WWOX: variants seen among roughly 807,000 people sequenced by gnomAD.
WWOX encodes WW domain containing oxidoreductase.
WWOX carries 69 observed loss-of-function variants against 46.2 expected under a neutral mutation model. The ratio of observed to expected loss-of-function variants is 1.49; its 90% CI spans 1.23 to 1.82. The LOEUF (loss-of-function observed/expected upper bound fraction) is 1.82. WWOX is among the 40% of genes most tolerant of loss of function. The pLI, the probability that WWOX is intolerant of heterozygous loss-of-function variation, is 0.00. For missense variants in WWOX, 919 were observed against 542.6 expected, an observed-to-expected ratio of 1.69 and a Z score of -6.89; for synonymous variants, 359 against 202.6, an observed-to-expected ratio of 1.77 and a Z score of -6.56.
intron 8 of WWOX, among the ~76,000 whole-genome samples, chr16:78,632,545 C>G (rs924946863): frequency 1.6e-5 from 2 of 124,112 alleles, no homozygotes; most frequent in Non-Finnish European, 3.5e-5. Flanking sequence ...TCTTCCCCCA[C>G]TTACTTGGCC....
chr16:78,505,894 T>A (rs1205837654), intron 8 of WWOX, among the ~76,000 whole-genome samples: 1 of 152,184 alleles, frequency 6.6e-6, no homozygotes, highest in African/African-American at 2.4e-5. Context: ...TTTCTCTCCC[T>A]AATCATGAGC....
At chr16:78,837,028 A>G (rs1345280105) in intron 8 of WWOX, among the ~76,000 whole-genome samples, 2 of 152,130 alleles carry the variant, frequency 1.3e-5, no homozygotes, top group East Asian at 1.9e-4. Flanking sequence ...ATCCCACACA[A>G]TGGAAACCAG....
At chr16:78,461,317 G>C (rs539930930) in intron 8 of WWOX, among the ~76,000 whole-genome samples, 3 of 152,086 alleles carry the variant, frequency 2.0e-5, no homozygotes, top group Non-Finnish European at 2.9e-5. Context: ...TGCACTGTCC[G>C]TTTTCCAAAT....
intron 8 of WWOX, among the ~76,000 whole-genome samples, chr16:79,098,359 T>C (rs1597374028): frequency 1.3e-5 from 2 of 152,194 alleles, no homozygotes; most frequent in Non-Finnish European, 2.9e-5. Context: ...CAGTGGGTGG[T>C]ATTTTCTCCT....
In WWOX at chr16:78,130,840, T is replaced by C. The variant is rs940549857; in HGVS notation, c.409+15686T>C. ...GTGGAGGATACAAAACACACCAAAA[T>C]GCAGTCAGCTTCACTGAATGACAGA... On this transcript the variant is annotated intron_variant, in intron 4 of 8. Coordinates refer to ENST00000566780, the MANE Select transcript of WWOX (RefSeq NM_016373.4). Among the ~76,000 whole-genome samples, 61 of 152,192 alleles carry C rather than the reference T, an allele frequency of 4.0e-4. 1 individual carries two copies. The highest frequency in any genetic ancestry group is 1.3e-3 in the African/African-American group (55 of 41,442).
intron 4 of WWOX, among the ~76,000 whole-genome samples, chr16:78,129,032 G>A (rs1408640893): frequency 1.3e-5 from 2 of 152,152 alleles, no homozygotes; most frequent in Non-Finnish European, 2.9e-5. Context: ...TCCATATGGG[G>A]AACATCTCAG....
intron 5 of WWOX, among the ~76,000 whole-genome samples, chr16:78,319,726 C>G (rs1428617024): frequency 6.6e-6 from 1 of 152,190 alleles, no homozygotes; most frequent in African/African-American, 2.4e-5. Flanking sequence ...ACCACCGCCA[C>G]TACTAAAATA....
chr16:78,858,056 GT>G lies in WWOX; in HGVS notation c.1057-353547del, dbSNP rs200330023. 1.7e-3 allele frequency among the ~76,000 whole-genome samples: 265 copies of G among 151,974 alleles called. 2 individuals carry two copies. Among genetic ancestry groups the G allele is most frequent in the Admixed American group, 0.01 (155 of 15,258 alleles). ...TTAATAAAGAGGTATTTGAGTTACA[GT>G]TTTTCCAAAGTTTTAAATACTCTAT... On this transcript the variant is annotated intron_variant, in intron 8 of 8. Coordinates refer to ENST00000566780, the MANE Select transcript of WWOX (RefSeq NM_016373.4).
At chr16:78,495,013 C>G (rs2084877732) in intron 8 of WWOX, among the ~76,000 whole-genome samples, 1 of 152,222 alleles carries the variant, frequency 6.6e-6, no homozygotes, top group African/African-American at 2.4e-5. Context: ...GGTCAAGCCC[C>G]TCGGACATGA....
At chr16:79,085,481 T>A (rs898579608) in intron 8 of WWOX, among the ~76,000 whole-genome samples, 6 of 152,166 alleles carry the variant, frequency 3.9e-5, no homozygotes, top group African/African-American at 1.4e-4. Flanking sequence ...GCCTCAGGTT[T>A]TGGTTTTTTT....
chr16:78,810,828 A>G (rs576673011), intron 8 of WWOX, among the ~76,000 whole-genome samples: 1 of 152,344 alleles, frequency 6.6e-6, no homozygotes, highest in Non-Finnish European at 1.5e-5. Flanking sequence ...AAAAAAGACA[A>G]ATGACAGCGC....
intron 3 of WWOX, 131 bp from the exon 4 acceptor site, chr16:78,114,845 A>G: frequency 8.8e-7 from 1 of 1,133,068 alleles, no homozygotes. Flanking sequence ...AGTGGGCCCC[A>G]GTTCTTTCAG....
intron 8 of WWOX, among the ~76,000 whole-genome samples, chr16:78,505,134 C>T (rs1284115425): frequency 1.3e-5 from 2 of 152,174 alleles, no homozygotes; most frequent in South Asian, 2.1e-4. Context: ...AGCCCCCACT[C>T]TTCAGAACTT....
chr16:79,127,691 T>C (rs1303129856), intron 8 of WWOX, among the ~76,000 whole-genome samples: 1 of 152,142 alleles, frequency 6.6e-6, no homozygotes, highest in Non-Finnish European at 1.5e-5. Flanking sequence ...ATTGCCAAAT[T>C]GCCCTCTACG....
intron 5 of WWOX, among the ~76,000 whole-genome samples, chr16:78,328,278 T>C (rs1030531549): frequency 2.6e-5 from 4 of 152,224 alleles, no homozygotes; most frequent in Non-Finnish European, 4.4e-5. Context: ...GTCGTGGTCT[T>C]GTTTATAATC....
intron 7 of WWOX, among the ~76,000 whole-genome samples, chr16:78,427,408 A>C (rs1163917810): frequency 2.0e-5 from 3 of 152,104 alleles, no homozygotes; most frequent in African/African-American, 4.8e-5. Context: ...GCTGTGAAAA[A>C]ATTTCAGATA....
At position 78,420,217 on chromosome 16, in the gene WWOX, A is replaced by G. The variant is rs756995096; in HGVS notation, c.606-4653A>G. ...TGGAAAACAGTTTGGCCATTATTCA[A>G]AAAGTTAAACATTGAATTACCATAT... On this transcript the variant is annotated intron_variant, in intron 6 of 8. Transcript: ENST00000566780. Among the ~76,000 whole-genome samples, 153 of 152,268 alleles carry G rather than the reference A, an allele frequency of 1.0e-3. 2 individuals are homozygous for G. The highest frequency in any genetic ancestry group is 1.8e-3 in the Non-Finnish European group (120 of 67,976).
At chr16:78,263,365 C>T (rs2079287936) in intron 5 of WWOX, among the ~76,000 whole-genome samples, 1 of 152,204 alleles carries the variant, frequency 6.6e-6, no homozygotes, top group South Asian at 2.1e-4. Flanking sequence ...ATTGGTCCAT[C>T]CAGGGCCATG....
At chr16:78,439,639 C>A (rs72797996) in intron 8 of WWOX, among the ~76,000 whole-genome samples, 3 of 152,096 alleles carry the variant, frequency 2.0e-5, no homozygotes, top group Admixed American at 6.6e-5. Context: ...ATTTTGAAAT[C>A]ATTTGACATT....
Sources: allele counts gnomAD v4.1 joint callset (sites outside exome capture counted in the v4.1 genomes callset), GRCh38; gene constraint gnomAD v4.1.1; transcripts MANE v1.5; gene names NCBI Gene and HGNC (gene_info 2026-07-23, HGNC 2026-07-21).